The following LMNTD1 variants were observed in gnomAD, a reference collection of about 807,000 sequenced individuals.
LMNTD1 encodes the protein lamin tail domain-containing protein 1.
LMNTD1 carries 35 observed loss-of-function variants against 50.9 expected under a neutral mutation model. The ratio of observed to expected loss-of-function variants is 0.69; its 90% CI spans 0.53 to 0.91. The LOEUF is 0.91. LMNTD1 is among the 40% of genes least tolerant of loss of function. The probability of loss-of-function intolerance (pLI) is 0.00; values close to 1 mark genes in which losing one functional copy is unlikely to be tolerated. For synonymous variants in LMNTD1, 153 were observed against 161.9 expected (o/e 0.94, Z 0.42); for missense variants, 470 against 475.5 (o/e 0.99, Z 0.11).
chr12:25,523,326 T>C (rs279010), intron 6 of LMNTD1, among the ~76,000 whole-genome samples: 146,184 of 152,288 alleles, frequency 0.96, 70,460 homozygotes, highest in East Asian at 1. Context: ...GCCACTGCGC[T>C]GGCCTAGGCT....
chr12:25,514,559 CA>C (rs36076563), intron 8 of LMNTD1, among the ~76,000 whole-genome samples: 90,874 of 145,778 alleles, frequency 0.62, 29,371 homozygotes, highest in East Asian at 0.77. Flanking sequence ...TTAATGGATA[CA>C]AAAAAAAAAA....
chr12:25,553,549 T>C (rs1943897927), upstream of LMNTD1, among the ~76,000 whole-genome samples: 1 of 152,168 alleles, frequency 6.6e-6, no homozygotes, highest in East Asian at 1.9e-4. Context: ...TTTTCTTCTT[T>C]TTTTTCTTTC....
chr12:25,502,566 A>G (rs1342076011), intron 9 of LMNTD1, among the ~76,000 whole-genome samples: 1 of 152,212 alleles, frequency 6.6e-6, no homozygotes, highest in Non-Finnish European at 1.5e-5. Flanking sequence ...GTGGTTAATT[A>G]CTGGTTAATT....
chr12:25,482,709 G>C (rs1938482614), intron 9 of LMNTD1, among the ~76,000 whole-genome samples: 1 of 152,012 alleles, frequency 6.6e-6, no homozygotes, highest in African/African-American at 2.4e-5. Flanking sequence ...AGCAAGCACA[G>C]AATGTCTGCA....
At chr12:25,491,349 C>G (rs1309318132) in intron 9 of LMNTD1, among the ~76,000 whole-genome samples, 1 of 152,094 alleles carries the variant, frequency 6.6e-6, no homozygotes, top group East Asian at 1.9e-4. Flanking sequence ...GAGAAACTTT[C>G]TATAAGAGAA....
chr12:25,616,122 T>A (rs1946349915), intron 1 of LMNTD1, among the ~76,000 whole-genome samples: 1 of 147,944 alleles, frequency 6.8e-6, no homozygotes, highest in African/African-American at 2.5e-5. Flanking sequence ...ACACACACAG[T>A]GTGAGATAGT....
chr12:25,560,368 T>A (rs10842580), intron 1 of LMNTD1, among the ~76,000 whole-genome samples: 105,963 of 152,070 alleles, frequency 0.7, 40,897 homozygotes, highest in Non-Finnish European at 0.88. Context: ...TGTGGCATTA[T>A]TTCTGAGAGC....
chr12:25,643,715 C>G (rs1946998027), intron 1 of LMNTD1, among the ~76,000 whole-genome samples: 1 of 152,134 alleles, frequency 6.6e-6, no homozygotes, highest in Non-Finnish European at 1.5e-5. Context: ...TGCATAAAAT[C>G]AAGGTTCTGA....
chr12:25,548,717 A>T (rs918482971), intron 3 of LMNTD1, among the ~76,000 whole-genome samples: 1 of 151,914 alleles, frequency 6.6e-6, no homozygotes, highest in Non-Finnish European at 1.5e-5. Context: ...AGTTCCCTAA[A>T]CATGGTGAGA....
At chr12:25,502,598 C>A (rs1591834579) in intron 9 of LMNTD1, among the ~76,000 whole-genome samples, 1 of 152,190 alleles carries the variant, frequency 6.6e-6, no homozygotes, top group African/African-American at 2.4e-5. Context: ...CCTCTTCAGA[C>A]TGCAGTTTCT....
chr12:25,564,233 A>G (rs1474755168), intron 1 of LMNTD1, among the ~76,000 whole-genome samples: 1 of 152,188 alleles, frequency 6.6e-6, no homozygotes, highest in Non-Finnish European at 1.5e-5. Context: ...TGGGAGCTGC[A>G]GACTGGAGCT....
chr12:25,533,091 AG>A (rs1942334183), intron 4 of LMNTD1, among the ~76,000 whole-genome samples: 1 of 152,204 alleles, frequency 6.6e-6, no homozygotes, highest in Admixed American at 6.5e-5. Context: ...GCATATACAT[AG>A]AATAAATGTT....
At chr12:25,535,917 G>A (rs570390321) in intron 4 of LMNTD1, among the ~76,000 whole-genome samples, 2 of 152,074 alleles carry the variant, frequency 1.3e-5, no homozygotes, top group Non-Finnish European at 2.9e-5. Context: ...TAAAAAGAAA[G>A]CTCCTGTGGC....
At chr12:25,560,830 G>A (rs1476634356) in intron 1 of LMNTD1, among the ~76,000 whole-genome samples, 1 of 152,112 alleles carries the variant, frequency 6.6e-6, no homozygotes, top group South Asian at 2.1e-4. Flanking sequence ...TTGGCTCTCT[G>A]TTTGTCTGTT....
intron 9 of LMNTD1, among the ~76,000 whole-genome samples, chr12:25,503,309 A>G (rs1270405362): frequency 6.6e-6 from 1 of 152,236 alleles, no homozygotes; most frequent in East Asian, 1.9e-4. Flanking sequence ...AAATGATACA[A>G]TATCATTTAG....
At chr12:25,485,032 C>A (rs1353265881) in intron 9 of LMNTD1, among the ~76,000 whole-genome samples, 1 of 151,868 alleles carries the variant, frequency 6.6e-6, no homozygotes, top group Admixed American at 6.6e-5. Context: ...TAATGGGATG[C>A]CTGGGTCAAA....
intron 1 of LMNTD1, among the ~76,000 whole-genome samples, chr12:25,574,518 C>T (rs1456119958): frequency 1.3e-5 from 2 of 152,084 alleles, no homozygotes; most frequent in East Asian, 3.8e-4. Flanking sequence ...GTGAGTAAGG[C>T]ACTTGAAATA....
intron 8 of LMNTD1, among the ~76,000 whole-genome samples, chr12:25,504,795 A>C (rs1011822548): frequency 6.6e-6 from 1 of 152,232 alleles, no homozygotes; most frequent in African/African-American, 2.4e-5. Flanking sequence ...AGGATTCTGA[A>C]TCTAAAGAAT....
chr12:25,620,722 G>A (rs1043744596), intron 1 of LMNTD1, among the ~76,000 whole-genome samples: 4 of 152,150 alleles, frequency 2.6e-5, no homozygotes, highest in African/African-American at 9.7e-5. Flanking sequence ...CAGGCACTGG[G>A]TCCCCGCTTC....
Sources: allele counts gnomAD v4.1 joint callset (sites outside exome capture counted in the v4.1 genomes callset), GRCh38; gene constraint gnomAD v4.1.1; transcripts MANE v1.5; gene names NCBI Gene and HGNC (gene_info 2026-07-23, HGNC 2026-07-21).